Variants in FLG2 observed in about 807,000 individuals in gnomAD.
FLG2 encodes the protein filaggrin 2.
Under a neutral mutation model 3.9 loss-of-function variants are expected in FLG2, and 7 were observed. The ratio of observed to expected loss-of-function variants is 1.79; its 90% CI spans 1.02 to 3.36. The LOEUF (loss-of-function observed/expected upper bound fraction) is 3.36, where lower values mean the gene tolerates loss of function less well. Among genes scored for constraint, FLG2 ranks in the 30% most tolerant of loss-of-function variants. FLG2 has a pLI of 0.00. For missense variants in FLG2, 2,700 were observed against 2,809.4 expected (o/e 0.96, Z 0.88); for synonymous variants, 1,031 against 1,056.1 (o/e 0.98, Z 0.46).
rs1315398114 is a variant in FLG2 at position 152,351,281 on chromosome 1, C to A, written c.6505G>T (p.Gly2169Cys). ...QSGHGQSTQTGSRTTGRQRSS... is the reference protein window; with the variant it reads ...QSGHGQSTQTCSRTTGRQRSS... ...CTTTGTCTTCCAGTTGTCCTGGAAC[C>A]TGTCTGTGTGGACTGTCCATGACCA... The change falls in exon 3 of 3, where the codon GGT becomes TGT. Residue 2169 changes from glycine (G) to cysteine (C), a missense_variant. Gly to Cys is a radical substitution (Grantham distance 159, BLOSUM62 -3). Transcript: ENST00000388718. The A allele has an allele frequency of 1.9e-6, 3 of 1,613,852 alleles. No individual in the cohort carries two copies. Among genetic ancestry groups the A allele is most frequent in the African/African-American group, 1.3e-5 (1 of 74,902 alleles).
chr1:152,353,703 A>T lies in FLG2; in HGVS notation c.4083T>A (p.His1361Gln). ...GAGTTTGTTCTTGTGAGTGTGGTCT[A>T]TGTGAGACCCCTGAGTGCACTTCAC... ...TDSEVHSGVSHRPHSQEQTHS... is the reference protein window; with the variant it reads ...TDSEVHSGVSQRPHSQEQTHS... The change falls in exon 3 of 3, where the codon CAT becomes CAA. Residue 1361 changes from histidine (H) to glutamine (Q), a missense_variant. Transcript: ENST00000388718. The T allele has an allele frequency of 3.1e-6, 5 of 1,609,030 alleles. No individual in the cohort carries two copies. The highest frequency in any genetic ancestry group is 4.2e-6 in the Non-Finnish European group (5 of 1,178,072).
Position 152,357,592 on chromosome 1 carries a change from T to C in FLG2, c.194A>G (p.His65Arg). ...CTCAGTAAAGTCCAATCTTCTGTCA[T>C]GATCTCGATCCAGCATATGCATGAT... Reference protein sequence around the residue: ...DVIMHMLDRDHDRRLDFTEFL... With the variant: ...DVIMHMLDRDRDRRLDFTEFL... Residue 65 changes from histidine to arginine, a missense_variant, in exon 3 of 3, where the codon CAT becomes CGT. Transcript: ENST00000388718. 1.2e-6 allele frequency: 2 copies of C among 1,614,124 alleles called. No homozygotes were observed. The highest frequency in any genetic ancestry group is 1.7e-6 in the Non-Finnish European group (2 of 1,180,016).
rs1281514942 is a variant in FLG2 at position 152,356,472 on chromosome 1, C to T, written c.1314G>A (p.Gln438=). ...SFEQHGTGLS[Q]SSGFEQHVCG... is the part of the protein sequence containing the mutation. ...ATACATGTTGTTCGAACCCAGAGGA[C>T]TGACTCAAGCCTGTTCCATGTTGTT... The change falls in exon 3 of 3, where the codon CAG becomes CAA. Residue 438 remains glutamine, a synonymous_variant. Transcript: ENST00000388718. 10 of 1,614,142 alleles carry T rather than the reference C, an allele frequency of 6.2e-6. No individual in the cohort carries two copies. In the African/African-American group the frequency reaches 1.1e-4, roughly 17 times the overall value.
rs1229862814 is a variant in FLG2, at chr1:152,351,654, G to C, written c.6132C>G (p.His2044Gln). The C allele has an allele frequency of 1.9e-6, 3 of 1,611,108 alleles. No individual in the cohort carries two copies. Among genetic ancestry groups the C allele is most frequent in the Non-Finnish European group, 2.5e-6 (3 of 1,179,472 alleles). ...GGCCATGAGCGTGTCCTGAATGTGT[G>C]TGTGAGACCCCTGAGTGCCCTTCAC... is the stretch of plus-strand genomic sequence containing the variant. ...SDSEGHSGVS[H>Q]THSGHAHGQA... Residue 2044 changes from histidine to glutamine, a missense_variant, in exon 3 of 3, where the codon CAC becomes CAG. His to Gln is a conservative substitution (Grantham distance 24). Transcript: ENST00000388718.
In FLG2 at chr1:152,355,456, G is replaced by A. The variant is rs915544117; in HGVS notation, c.2330C>T (p.Ser777Leu). 51 of 1,612,160 alleles carry A rather than the reference G, an allele frequency of 3.2e-5. No individual in the cohort carries two copies. The highest frequency in any genetic ancestry group is 4.1e-5 in the Non-Finnish European group (48 of 1,179,718). The change falls in exon 3 of 3, where the codon TCA becomes TTA. Residue 777 changes from serine (S) to leucine (L), a missense_variant. Ser to Leu is a moderately radical substitution (Grantham distance 145). Coordinates refer to ENST00000388718, the MANE Select transcript of FLG2 (RefSeq NM_001014342.3). ...TTGGCCATAGCCAGATGACTGACTT[G>A]AGCCAGAACTGTGTTGGCCATAGCT... ...QSSYGQHSSG[S>L]SQSSGYGQHG... is the part of the protein sequence containing the mutation.
Position 152,351,055 on chromosome 1 carries a change from C to A in FLG2, c.6731G>T (p.Gly2244Val). 6.2e-7 allele frequency: 1 copy of A among 1,613,018 alleles called. No homozygotes were observed. The highest frequency in any genetic ancestry group is 8.5e-7 in the Non-Finnish European group (1 of 1,179,762). The change falls in exon 3 of 3, where the codon GGG (glycine) becomes GTG (valine). Residue 2244 changes from glycine to valine, a missense_variant. By Grantham distance (109) the Gly-to-Val change is moderately radical. Coordinates refer to ENST00000388718, the MANE Select transcript of FLG2 (RefSeq NM_001014342.3). ...TCCCCTTCTTCCAGTTGTCCTGGAC[C>A]CTCTCTGTGTGGATTGTCCATAACC... Reference protein sequence around the residue: ...HYGYGQSTQRGSRTTGRRGSG... With the variant: ...HYGYGQSTQRVSRTTGRRGSG...
rs1457385651 is a variant in FLG2 at position 152,350,819 on chromosome 1, T to C, written c.6967A>G (p.Ser2323Gly). 3 of 1,614,126 alleles carry C rather than the reference T, an allele frequency of 1.9e-6. No individual in the cohort carries two copies. The highest frequency in any genetic ancestry group is 2.5e-6 in the Non-Finnish European group (3 of 1,180,050). ...TGTGACTGAAAATGACTTGCTCTAC[T>C]AGATCTGGAACCTGTCTGTGTGGAT... Reference protein sequence around the residue: ...GQSTQTGSRSSRASHFQSHSS... With the variant: ...GQSTQTGSRSGRASHFQSHSS... Residue 2323 changes from serine (S) to glycine (G), a missense_variant, in exon 3 of 3, where the codon AGT becomes GGT. Ser to Gly is a moderately conservative substitution (Grantham distance 56, BLOSUM62 0). Transcript: ENST00000388718.
rs1206102548 is a variant in FLG2, at chr1:152,351,375, T to C, written c.6411A>G (p.Gly2137=). The C allele has an allele frequency of 6.8e-6, 11 of 1,613,560 alleles. No homozygotes were observed. Among genetic ancestry groups the C allele is most frequent in the Non-Finnish European group, 9.3e-6 (11 of 1,179,934 alleles). Residue 2137 remains glycine, a synonymous_variant, in exon 3 of 3, where the codon GGA becomes GGG. Coordinates refer to ENST00000388718, the MANE Select transcript of FLG2 (RefSeq NM_001014342.3). Reference sequence around the variant, plus strand: ...TTCCCTGTCTCCCGTGAATGGCAGATCCTGACTCTCCATGTTGAGATCTGG... The same window carrying C: ...TTCCCTGTCTCCCGTGAATGGCAGACCCTGACTCTCCATGTTGAGATCTGG... ...GQARSQHGES[G]SAIHGRQGTI... is the part of the protein sequence containing the mutation.
In FLG2 at chr1:152,350,714, G is replaced by T; in HGVS notation, c.7072C>A (p.His2358Asn). Residue 2358 changes from histidine to asparagine, a missense_variant, in exon 3 of 3, where the codon CAC becomes AAC. Coordinates refer to ENST00000388718, the MANE Select transcript of FLG2 (RefSeq NM_001014342.3). ...CCACCAGAAGGCCCATACCCAGTGT[G>T]CCCATAGTCATATTCTGCAGGTCCA... ...SYGPAEYDYGHTGYGPSGGSR... is the reference protein window; with the variant it reads ...SYGPAEYDYGNTGYGPSGGSR... 1 of 1,614,212 alleles carries T rather than the reference G, an allele frequency of 6.2e-7. No individual in the cohort carries two copies. The highest frequency in any genetic ancestry group is 8.5e-7 in the Non-Finnish European group (1 of 1,180,042).
In FLG2 at chr1:152,354,769, G is replaced by A. The variant is rs761376530; in HGVS notation, c.3017C>T (p.Ser1006Leu). ...QSNYGQHGSG[S>L]SQSSGYGQHG... ...TTGACCATAGCCAGATGACTGACTT[G>A]AGCCAGAACCATGTTGGCCATAATT... Residue 1006 changes from serine to leucine, a missense_variant, in exon 3 of 3, where the codon TCA (serine) becomes TTA (leucine). Physicochemically the swap from Ser to Leu is moderately radical, Grantham distance 145 (BLOSUM62 -2). Transcript: ENST00000388718. 1.2e-6 allele frequency: 2 copies of A among 1,613,788 alleles called. No homozygotes were observed. Among genetic ancestry groups the A allele is most frequent in the Non-Finnish European group, 1.7e-6 (2 of 1,179,960 alleles).
chr1:152,353,938 T>C lies in FLG2; in HGVS notation c.3848A>G (p.Lys1283Arg), dbSNP rs1252615105. The C allele has an allele frequency of 1.2e-6, 2 of 1,613,508 alleles. No homozygotes were observed. Among genetic ancestry groups the C allele is most frequent in the Non-Finnish European group, 1.7e-6 (2 of 1,179,780 alleles). Residue 1283 changes from lysine (K) to arginine (R), a missense_variant, in exon 3 of 3, where the codon AAG becomes AGG. Lys to Arg is a conservative substitution (Grantham distance 26). Transcript: ENST00000388718. ...GTGTTCTGAATGTCTGTGTGAGACC[T>C]TTGAGTGCACTTCACTGTCACTGTT... The part of the protein sequence containing the change: ...SENSDSEVHS[K>R]VSHRHSEHIH...
Position 152,358,750 on chromosome 1 carries a change from C to A in FLG2, c.135G>T (p.Leu45=). 1 of 1,612,988 alleles carries A rather than the reference C, an allele frequency of 6.2e-7. No individual in the cohort carries two copies. Among genetic ancestry groups the A allele is most frequent in the Non-Finnish European group, 8.5e-7 (1 of 1,179,534 alleles). The change falls in exon 2 of 3, where the codon CTG becomes CTT. Residue 45 remains leucine, a synonymous_variant. Transcript: ENST00000388718. The stretch of plus-strand genomic sequence containing the variant: ...AGTTCTGGCACATGGCTCTCACCTT[C>A]AGAACTGGATGAAGCTCTTTCTCCA... The part of the protein sequence containing the change: ...ELLEKELHPV[L]KNPDDPDTVD...
Position 152,357,110 on chromosome 1 carries a change from C to T in FLG2, c.676G>A (p.Gly226Arg). The T allele has an allele frequency of 6.2e-7, 1 of 1,614,186 alleles. No homozygotes were observed. The highest frequency in any genetic ancestry group is 8.5e-7 in the Non-Finnish European group (1 of 1,180,040). Residue 226 changes from glycine (G) to arginine (R), a missense_variant, in exon 3 of 3, where the codon GGA becomes AGA. Gly to Arg is a moderately radical substitution (Grantham distance 125, BLOSUM62 -2). Transcript: ENST00000388718. ...SRESGEEYES[G>R]SGSNSWERKG... is the part of the protein sequence containing the mutation. ...CTTTCCCAACTGTTTGATCCAGATC[C>T]AGATTCATACTCCTCCCCAGATTCC... is the stretch of plus-strand genomic sequence containing the variant.
chr1:152,358,756 T>A lies in FLG2; in HGVS notation c.129A>T (p.Pro43=). 1 of 1,613,332 alleles carries A rather than the reference T, an allele frequency of 6.2e-7. No individual in the cohort carries two copies. The highest frequency in any genetic ancestry group is 8.5e-7 in the Non-Finnish European group (1 of 1,179,664). ...LKELLEKELH[P]VLKNPDDPDT... is the part of the protein sequence containing the mutation. Reference sequence around the variant, plus strand: ...GGCACATGGCTCTCACCTTCAGAACTGGATGAAGCTCTTTCTCCAGAAGTT... The same window carrying A: ...GGCACATGGCTCTCACCTTCAGAACAGGATGAAGCTCTTTCTCCAGAAGTT... Residue 43 remains proline (P), a synonymous_variant, in exon 2 of 3, where the codon CCA becomes CCT. Transcript: ENST00000388718.
Position 152,357,352 on chromosome 1 carries a change from C to T in FLG2, c.434G>A (p.Gly145Glu). 6.2e-7 allele frequency: 1 copy of T among 1,614,142 alleles called. No individual in the cohort carries two copies. The change falls in exon 3 of 3, where the codon GGG (glycine) becomes GAG (glutamate). Residue 145 changes from glycine to glutamate, a missense_variant. Gly to Glu is a moderately conservative substitution (Grantham distance 98). Coordinates refer to ENST00000388718, the MANE Select transcript of FLG2 (RefSeq NM_001014342.3). Reference sequence around the variant, plus strand: ...ACATTTCACAGTTCCCCTTGAGTGCCCAGAACTATATCCATGCTCCTCTCC... The same window carrying T: ...ACATTTCACAGTTCCCCTTGAGTGCTCAGAACTATATCCATGCTCCTCTCC... Reference protein sequence around the residue: ...SEGEEHGYSSGHSRGTVKCRH... With the variant: ...SEGEEHGYSSEHSRGTVKCRH...
At position 152,353,631 on chromosome 1, in the gene FLG2, ATGAAC is replaced by A. The variant is rs1247380369; in HGVS notation, c.4150_4154del (p.Val1384Ter). ...GTCCATAAGTAGTTTCATGTCTCTC[ATGAAC>A]TGTGGATTCTGACTCTCCATGTTGA... On this transcript the variant is annotated frameshift_variant, in exon 3 of 3. Transcript: ENST00000388718. LOFTEE classifies it low-confidence loss of function (END_TRUNC). 1 of 1,613,296 alleles carries A rather than the reference ATGAAC, an allele frequency of 6.2e-7. No homozygotes were observed. Among genetic ancestry groups the A allele is most frequent in the Non-Finnish European group, 8.5e-7 (1 of 1,179,866 alleles).
chr1:152,355,061 C>T lies in FLG2; in HGVS notation c.2725G>A (p.Gly909Ser). The change falls in exon 3 of 3, where the codon GGT (glycine) becomes AGT (serine). Residue 909 changes from glycine to serine, a missense_variant. Gly to Ser is a moderately conservative substitution (Grantham distance 56). Transcript: ENST00000388718. ...QHGTGSGQYS[G>S]FGQHESRSHQ... ...GATCTAGACTCATGTTGTCCAAAAC[C>T]AGAGTATTGTCCTGAGCCAGTCCCA... 6.5e-7 allele frequency: 1 copy of T among 1,546,440 alleles called. No individual in the cohort carries two copies. Among genetic ancestry groups the T allele is most frequent in the Non-Finnish European group, 8.7e-7 (1 of 1,148,516 alleles).
intron 1 of FLG2, 145 bp from the exon 2 acceptor site, chr1:152,359,051 C>T: frequency 7.2e-6 from 5 of 693,146 alleles, no homozygotes; most frequent in East Asian, 2.9e-5. Context: ...ATGATACAAC[C>T]CCGTTTAACA....
Position 152,350,797 on chromosome 1 carries a change from G to A in FLG2, c.6989C>T (p.Ser2330Leu), listed in dbSNP as rs1422206885. Residue 2330 changes from serine (S) to leucine (L), a missense_variant, in exon 3 of 3, where the codon TCA becomes TTA. By Grantham distance (145) the Ser-to-Leu change is moderately radical (BLOSUM62 -2). Transcript: ENST00000388718. ...ATGCCTTTGCCTTTCACTACTATGT[G>A]ACTGAAAATGACTTGCTCTACTAGA... ...SRSSRASHFQ[S>L]HSSERQRHGS... The A allele has an allele frequency of 3.7e-6, 6 of 1,614,142 alleles. No homozygotes were observed. The South Asian group carries it at 6.6e-5, about 18-fold the overall frequency.
Sources: gnomAD v4.1 joint callset for allele counts on GRCh38, gnomAD v4.1.1 for gene constraint, MANE v1.5 for transcripts, NCBI Gene and HGNC (gene_info 2026-07-23, HGNC 2026-07-21) for gene names.